PIBF1: variants seen among roughly 807,000 people sequenced by gnomAD.
The protein encoded by PIBF1 is progesterone-induced-blocking factor 1.
A neutral mutation model predicts 112.5 loss-of-function variants in PIBF1; 90 were observed. The ratio of observed to expected loss-of-function variants is 0.80; its 90% CI spans 0.67 to 0.95. The LOEUF (loss-of-function observed/expected upper bound fraction) is 0.95, where lower values mean the gene tolerates loss of function less well. Ranked by LOEUF, PIBF1 falls within the 40% of genes least tolerant of loss-of-function variation. PIBF1 has a pLI of 0.00. For synonymous variants in PIBF1, 301 were observed against 288.6 expected, an observed-to-expected ratio of 1.04 and a Z score of -0.44; for missense variants, 915 against 852.3, an observed-to-expected ratio of 1.07 and a Z score of -0.92.
chr13:72,902,986 C>A (rs1249997430), intron 11 of PIBF1, among the ~76,000 whole-genome samples: 1 of 151,598 alleles, frequency 6.6e-6, no homozygotes, highest in Non-Finnish European at 1.5e-5. Flanking sequence ...ACCTCTGCTT[C>A]CCCAGTTTAA....
At chr13:72,955,265 C>G (rs2042411530) in intron 14 of PIBF1, among the ~76,000 whole-genome samples, 1 of 152,030 alleles carries the variant, frequency 6.6e-6, no homozygotes, top group Admixed American at 6.6e-5. Context: ...GGTTATGGTT[C>G]ATTCTGGGAA....
In PIBF1 at chr13:72,973,638, T is replaced by C; in HGVS notation, c.2012T>C (p.Met671Thr). The C allele has an allele frequency of 1.3e-6, 2 of 1,580,732 alleles. No individual in the cohort carries two copies. The highest frequency in any genetic ancestry group is 2.3e-5 in the East Asian group (1 of 43,844). The change falls in exon 16 of 18, where the codon ATG becomes ACG. Residue 671 changes from methionine to threonine, a missense_variant. Physicochemically the swap from Met to Thr is moderately conservative, Grantham distance 81. Transcript: ENST00000326291. The part of the protein sequence containing the change: ...KSALLQTKNQ[M>T]ALDLEQLLNH... ...GCTTTACTACAGACGAAGAATCAAA[T>C]GGCATTAGATTTAGAACAACTTCTA...
intron 5 of PIBF1, among the ~76,000 whole-genome samples, chr13:72,798,921 G>A (rs997859262): frequency 1.3e-5 from 2 of 152,232 alleles, no homozygotes; most frequent in Non-Finnish European, 2.9e-5. Context: ...GTGAAGTGCA[G>A]TTAACTCTCA....
intron 13 of PIBF1, among the ~76,000 whole-genome samples, chr13:72,921,061 T>G (rs1477641318): frequency 6.6e-6 from 1 of 152,168 alleles, no homozygotes; most frequent in Non-Finnish European, 1.5e-5. Context: ...GAAGGAGATT[T>G]CTGATTTGTT....
chr13:72,809,589 G>GTTTTTTTTTTTTTTT (rs34696804), intron 5 of PIBF1, among the ~76,000 whole-genome samples: 1 of 100,912 alleles, frequency 9.9e-6, no homozygotes, highest in East Asian at 2.6e-4. Context: ...TTTTTTTTTG[G>GTTTTTTTTTTTTTTT]TTTTTTTTTT....
chr13:72,979,239 T>C (rs2043096241), intron 16 of PIBF1, among the ~76,000 whole-genome samples: 1 of 152,216 alleles, frequency 6.6e-6, no homozygotes, highest in South Asian at 2.1e-4. Context: ...TTCTTGAGCT[T>C]ATCACTCAGT....
At chr13:72,918,834 G>C (rs2041193302) in intron 13 of PIBF1, among the ~76,000 whole-genome samples, 1 of 151,800 alleles carries the variant, frequency 6.6e-6, no homozygotes, top group Non-Finnish European at 1.5e-5. Flanking sequence ...CTCCCGAGTA[G>C]CTGGGATTAC....
intron 8 of PIBF1, among the ~76,000 whole-genome samples, chr13:72,831,452 C>T (rs2037108552): frequency 6.6e-6 from 1 of 152,126 alleles, no homozygotes; most frequent in Non-Finnish European, 1.5e-5. Context: ...CCCAGAGATT[C>T]TGGTATGTTG....
intron 11 of PIBF1, among the ~76,000 whole-genome samples, chr13:72,903,780 G>C (rs1474829882): frequency 6.6e-6 from 1 of 152,152 alleles, no homozygotes; most frequent in Non-Finnish European, 1.5e-5. Context: ...TGCCCAAATA[G>C]AATTTCTTCT....
At chr13:72,899,197 AAAG>A (rs929789600) in intron 11 of PIBF1, among the ~76,000 whole-genome samples, 18 of 152,312 alleles carry the variant, frequency 1.2e-4, no homozygotes, top group Admixed American at 8.5e-4. Context: ...CCAGACATTC[AAAG>A]AAGAATTGGT....
intron 13 of PIBF1, among the ~76,000 whole-genome samples, chr13:72,926,369 T>A (rs2041484011): frequency 6.6e-6 from 1 of 152,172 alleles, no homozygotes; most frequent in Non-Finnish European, 1.5e-5. Context: ...ACACAGCAAA[T>A]GAAAACTTAA....
At chr13:72,971,727 C>T (rs2042897092) in intron 15 of PIBF1, among the ~76,000 whole-genome samples, 1 of 152,000 alleles carries the variant, frequency 6.6e-6, no homozygotes, top group African/African-American at 2.4e-5. Context: ...GATATAAAAA[C>T]TGAGGTTCAG....
At chr13:72,901,610 G>T (rs1327468448) in intron 11 of PIBF1, among the ~76,000 whole-genome samples, 1 of 151,992 alleles carries the variant, frequency 6.6e-6, no homozygotes, top group African/African-American at 2.4e-5. Flanking sequence ...ACTGGAACCC[G>T]GGAAGAAGAG....
intron 14 of PIBF1, among the ~76,000 whole-genome samples, chr13:72,955,273 G>GA (rs1211912317): frequency 7.2e-5 from 11 of 151,914 alleles, no homozygotes; most frequent in Admixed American, 2.0e-4. Context: ...TTCATTCTGG[G>GA]AAAAAATTCA....
At chr13:72,932,104 G>A (rs1169075084) in intron 14 of PIBF1, among the ~76,000 whole-genome samples, 2 of 151,694 alleles carry the variant, frequency 1.3e-5, no homozygotes, top group East Asian at 3.9e-4. Context: ...ACTGTGCCTG[G>A]CTAATTTTTG....
chr13:72,824,236 T>C (rs1383902082), intron 6 of PIBF1, among the ~76,000 whole-genome samples: 28 of 151,574 alleles, frequency 1.8e-4, no homozygotes, highest in Admixed American at 1.8e-3. Flanking sequence ...AGACTGGCCT[T>C]GAACTCCTGA....
At chr13:72,885,215 C>A (rs572770597) in intron 10 of PIBF1, among the ~76,000 whole-genome samples, 1 of 152,010 alleles carries the variant, frequency 6.6e-6, no homozygotes, top group Non-Finnish European at 1.5e-5. Context: ...GAAGTTTAAT[C>A]TTTTTTGTAG....
intron 6 of PIBF1, among the ~76,000 whole-genome samples, chr13:72,823,046 G>C (rs914458572): frequency 2.6e-5 from 4 of 152,150 alleles, no homozygotes; most frequent in Admixed American, 6.5e-5. Flanking sequence ...AGTGAACTAT[G>C]ATCATGCCAC....
chr13:72,827,838 C>T lies in PIBF1; in HGVS notation c.1021C>T (p.Leu341Phe). 6.3e-7 allele frequency: 1 copy of T among 1,599,228 alleles called. No individual in the cohort carries two copies. The highest frequency in any genetic ancestry group is 2.3e-5 in the East Asian group (1 of 44,260). Residue 341 changes from leucine to phenylalanine, a missense_variant, in exon 8 of 18, where the codon CTT becomes TTT. Leu to Phe is a conservative substitution (Grantham distance 22, BLOSUM62 0). Coordinates refer to ENST00000326291, the MANE Select transcript of PIBF1 (RefSeq NM_006346.4). The stretch of plus-strand genomic sequence containing the variant: ...TCGCTGTGCTCATGAAGAGGATCGC[C>T]TTGAAAGACTTCAAGCTCAACTGGA... ...SVRCAHEEDRLERLQAQLEES... is the reference protein window; with the variant it reads ...SVRCAHEEDRFERLQAQLEES...
Sources: allele counts gnomAD v4.1 joint callset (sites outside exome capture counted in the v4.1 genomes callset), GRCh38; gene constraint gnomAD v4.1.1; transcripts MANE v1.5; gene names NCBI Gene and HGNC (gene_info 2026-07-23, HGNC 2026-07-21).